TAX1BP1: variants seen among roughly 807,000 people sequenced by gnomAD.
TAX1BP1 encodes Tax1 binding protein 1.
In TAX1BP1, 62 loss-of-function variants were observed where a neutral mutation model predicts 97.7. That is an observed-to-expected ratio of 0.63 (90% CI 0.52 to 0.78). The LOEUF (loss-of-function observed/expected upper bound fraction) is 0.78, where lower values mean the gene tolerates loss of function less well. TAX1BP1 is among the 30% of genes least tolerant of loss of function. The pLI, the probability that TAX1BP1 is intolerant of heterozygous loss-of-function variation, is 0.00. For missense variants in TAX1BP1, 867 were observed against 916.1 expected (o/e 0.95, Z 0.69); for synonymous variants, 340 against 304.2 (o/e 1.12, Z -1.23).
upstream of TAX1BP1, chr7:27,739,887 C>CTG (rs796492659): frequency 2.0e-5 from 3 of 152,366 alleles, no homozygotes; most frequent in East Asian, 5.8e-4. Context: ...CTTAAACCTC[C>CTG]TGTGTGTTTC....
In TAX1BP1 at chr7:27,792,003, C is replaced by T. The variant is rs759341671; in HGVS notation, c.1039-3C>T. 1.9e-6 allele frequency: 3 copies of T among 1,612,686 alleles called. No individual in the cohort carries two copies. The highest frequency in any genetic ancestry group is 2.2e-5 in the East Asian group (1 of 44,880). Reference sequence around the variant, plus strand: ...TACAAATATATTTATCTGCTTTCTTCAGGAAGATACTTGTTTTTTAAAGGA... The same window carrying T: ...TACAAATATATTTATCTGCTTTCTTTAGGAAGATACTTGTTTTTTAAAGGA... On this transcript the variant is annotated splice_region_variant and splice_polypyrimidine_tract_variant and intron_variant, in intron 8 of 16. Transcript: ENST00000396319.
chr7:27,827,410 A>G (rs1008660404), intron 15 of TAX1BP1, among the ~76,000 whole-genome samples: 3 of 152,072 alleles, frequency 2.0e-5, no homozygotes, highest in African/African-American at 7.2e-5. Context: ...AAAGTCAGTA[A>G]AAGTTACCTA....
intron 5 of TAX1BP1, chr7:27,771,884 T>C (rs987150613): frequency 1.3e-5 from 2 of 152,010 alleles, no homozygotes; most frequent in African/African-American, 2.4e-5. Context: ...AAGTTCTCTC[T>C]AAATGTAAGT....
At chr7:27,818,447 G>T (rs572578007) in intron 15 of TAX1BP1, among the ~76,000 whole-genome samples, 10 of 152,260 alleles carry the variant, frequency 6.6e-5, no homozygotes, top group South Asian at 2.1e-4. Flanking sequence ...AGTAATTTTA[G>T]TAAGAATATG....
intron 11 of TAX1BP1, among the ~76,000 whole-genome samples, chr7:27,794,760 T>C (rs566899286): frequency 1.1e-3 from 161 of 152,336 alleles, no homozygotes; most frequent in African/African-American, 3.7e-3. Context: ...ACGAATTGAA[T>C]TTTTACTTTA....
Position 27,785,294 on chromosome 7 carries a change from A to G in TAX1BP1, c.744A>G (p.Lys248=), listed in dbSNP as rs1434453453. ...IVSVTHKAIE[K]ETELDSLKDK... ...CAGTAACACATAAAGCAATTGAAAA[A>G]GAAACCGAATTAGACAGGTATTTCT... is the stretch of plus-strand genomic sequence containing the variant. The change falls in exon 6 of 17, where the codon AAA becomes AAG. Residue 248 remains lysine (K), a synonymous_variant. Transcript: ENST00000396319. 4 of 1,609,092 alleles carry G rather than the reference A, an allele frequency of 2.5e-6. No individual in the cohort carries two copies. Among genetic ancestry groups the G allele is most frequent in the Middle Eastern group, 1.7e-4 (1 of 6,052 alleles).
At chr7:27,818,917 C>T (rs766964654) in intron 15 of TAX1BP1, among the ~76,000 whole-genome samples, 2 of 152,090 alleles carry the variant, frequency 1.3e-5, no homozygotes, top group South Asian at 2.1e-4. Flanking sequence ...ATGAGATTGG[C>T]TATAGAAGTT....
intron 13 of TAX1BP1, among the ~76,000 whole-genome samples, chr7:27,805,920 C>T (rs1011423347): frequency 4.6e-5 from 7 of 152,134 alleles, no homozygotes; most frequent in Admixed American, 3.9e-4. Context: ...AGTGATGCCC[C>T]AAAATTTGTG....
Position 27,765,894 on chromosome 7 carries a change from G to T in TAX1BP1, c.326G>T (p.Gly109Val). 6.2e-7 allele frequency: 1 copy of T among 1,614,164 alleles called. No individual in the cohort carries two copies. The highest frequency in any genetic ancestry group is 8.5e-7 in the Non-Finnish European group (1 of 1,180,030). The change falls in exon 4 of 17, where the codon GGT becomes GTT. Residue 109 changes from glycine (G) to valine (V), a missense_variant. Physicochemically the swap from Gly to Val is moderately radical, Grantham distance 109. Around this residue, in one of 3 missense-constraint regions of TAX1BP1, gnomAD observed 822 missense variants for 851.4 expected, o/e 0.97. Transcript: ENST00000396319. ...FYQFCYVTHK[G>V]EIRGASTPFQ... ...CAGTTCTGTTACGTTACCCATAAGG[G>T]TGAAATTCGTGGAGCAAGTACACCT...
At chr7:27,743,525 A>G (rs954731479) in intron 1 of TAX1BP1, among the ~76,000 whole-genome samples, 1 of 152,222 alleles carries the variant, frequency 6.6e-6, no homozygotes, top group Admixed American at 6.5e-5. Context: ...TCTAAAATGC[A>G]GTGTTTCTGC....
intron 1 of TAX1BP1, among the ~76,000 whole-genome samples, chr7:27,748,070 A>G (rs376325778): frequency 5.1e-4 from 78 of 152,272 alleles, no homozygotes; most frequent in African/African-American, 1.7e-3. Context: ...CAAGGGTTCT[A>G]CATAGGAAGG....
At chr7:27,747,630 G>A in intron 1 of TAX1BP1, among the ~76,000 whole-genome samples, 1 of 152,136 alleles carries the variant, frequency 6.6e-6, no homozygotes, top group East Asian at 1.9e-4. Flanking sequence ...ATTTTACATG[G>A]TTTGAGAGAT....
intron 13 of TAX1BP1, among the ~76,000 whole-genome samples, chr7:27,807,509 T>C (rs546685650): frequency 1.3e-5 from 2 of 152,250 alleles, no homozygotes; most frequent in African/African-American, 4.8e-5. Context: ...TAATTTTGGT[T>C]TAATATTTCA....
chr7:27,788,400 C>T (rs1789573257), intron 8 of TAX1BP1, among the ~76,000 whole-genome samples: 1 of 151,800 alleles, frequency 6.6e-6, no homozygotes, highest in Non-Finnish European at 1.5e-5. Flanking sequence ...GTATAAACAC[C>T]CTGTTCTCCA....
chr7:27,819,477 C>A (rs2128325731), intron 15 of TAX1BP1, among the ~76,000 whole-genome samples: 1 of 152,224 alleles, frequency 6.6e-6, no homozygotes, highest in African/African-American at 2.4e-5. Flanking sequence ...ACTGCCAAAA[C>A]CAGCATCTCG....
At chr7:27,808,256 A>G (rs1261982782) in intron 13 of TAX1BP1, among the ~76,000 whole-genome samples, 1 of 152,210 alleles carries the variant, frequency 6.6e-6, no homozygotes, top group Non-Finnish European at 1.5e-5. Flanking sequence ...ACAAAAAACT[A>G]TGAGTAAATA....
chr7:27,770,308 G>C (rs890315479), intron 5 of TAX1BP1, among the ~76,000 whole-genome samples: 3 of 152,016 alleles, frequency 2.0e-5, no homozygotes, highest in African/African-American at 7.2e-5. Flanking sequence ...GTTAAAATTG[G>C]CAGAATTTCT....
At chr7:27,815,490 G>T (rs1305844130) in intron 13 of TAX1BP1, among the ~76,000 whole-genome samples, 1 of 152,072 alleles carries the variant, frequency 6.6e-6, no homozygotes. Context: ...CTTTTTTTGT[G>T]ATAAAGTCCA....
Position 27,766,171 on chromosome 7 carries a change from G to A in TAX1BP1, c.453+150G>A, listed in dbSNP as rs374018230. ...CGCAGTGGCTCACGCCTGTAATCCC[G>A]GCACTCTGGGAGGCCGAGGCAGGCA... On this transcript the variant is annotated intron_variant, in intron 4 of 16. Coordinates refer to ENST00000396319, the MANE Select transcript of TAX1BP1 (RefSeq NM_006024.7). The A allele has an allele frequency of 3.4e-4, 256 of 747,024 alleles. No homozygotes were observed. In the African/African-American group the frequency reaches 3.7e-3, roughly 11 times the overall value. 46.3% of individuals were successfully genotyped at this position (747,024 alleles called of 1,614,324 possible).
Sources: allele counts gnomAD v4.1 joint callset (sites outside exome capture counted in the v4.1 genomes callset), GRCh38; gene constraint gnomAD v4.1.1; regional missense constraint gnomAD v4.1.1; transcripts MANE v1.5; gene names NCBI Gene and HGNC (gene_info 2026-07-23, HGNC 2026-07-21).